PKNOX2: variants seen among roughly 807,000 people sequenced by gnomAD.
PKNOX2 encodes the protein PBX/knotted 1 homeobox 2, also known as homeobox protein PKNOX2.
PKNOX2 carries 14 observed loss-of-function variants against 53.1 expected under a neutral mutation model. That is an observed-to-expected ratio of 0.26 (90% CI 0.17 to 0.41). PKNOX2 has a LOEUF of 0.41. Ranked by LOEUF, PKNOX2 falls within the 10% of genes least tolerant of loss-of-function variation. The pLI, the probability that PKNOX2 is intolerant of heterozygous loss-of-function variation, is 1.00. For synonymous variants in PKNOX2, 257 were observed against 242.8 expected, an observed-to-expected ratio of 1.06 and a Z score of -0.54; for missense variants, 496 against 602.8, an observed-to-expected ratio of 0.82 and a Z score of 1.85.
At chr11:125,191,389 CAA>C (rs892290306) in intron 1 of PKNOX2, 2 of 152,168 alleles carry the variant, frequency 1.3e-5, no homozygotes, top group African/African-American at 4.8e-5. Context: ...CAGAATAAAC[CAA>C]AGAGAGCAAG....
chr11:125,301,684 TAAAAATA>T (rs1181963737), intron 2 of PKNOX2, among the ~76,000 whole-genome samples: 2 of 152,026 alleles, frequency 1.3e-5, no homozygotes, highest in Non-Finnish European at 2.9e-5. Flanking sequence ...ATTGTTTCAT[TAAAAATA>T]AAAAATAAAA....
intron 5 of PKNOX2, among the ~76,000 whole-genome samples, chr11:125,369,079 G>A (rs112057872): frequency 0.02 from 2,974 of 152,276 alleles, 105 homozygotes; most frequent in African/African-American, 0.068. Flanking sequence ...CCCCAATGAC[G>A]GTGCCTTTAT....
chr11:125,409,096 T>C (rs1340463114), intron 7 of PKNOX2, among the ~76,000 whole-genome samples: 1 of 152,152 alleles, frequency 6.6e-6, no homozygotes, highest in Non-Finnish European at 1.5e-5. Flanking sequence ...GCTAAGAGAC[T>C]CAGGCAGGCC....
intron 7 of PKNOX2, among the ~76,000 whole-genome samples, chr11:125,409,119 C>T (rs1477510669): frequency 6.6e-6 from 1 of 152,146 alleles, no homozygotes; most frequent in Non-Finnish European, 1.5e-5. Context: ...CTGAGGCTCC[C>T]ACACTTCACT....
chr11:125,322,692 C>T (rs1390214101), intron 2 of PKNOX2, among the ~76,000 whole-genome samples: 2 of 152,200 alleles, frequency 1.3e-5, no homozygotes, highest in Non-Finnish European at 1.5e-5. Flanking sequence ...AGCAGTTAGT[C>T]ATCTGCCATC....
chr11:125,278,293 CAT>C (rs1441704382), intron 2 of PKNOX2, among the ~76,000 whole-genome samples: 1 of 151,278 alleles, frequency 6.6e-6, no homozygotes, highest in East Asian at 1.9e-4. Flanking sequence ...GTATATGAGA[CAT>C]AAGAGACAAA....
intron 2 of PKNOX2, among the ~76,000 whole-genome samples, chr11:125,309,387 A>AT (rs67761552): frequency 0.2 from 27,184 of 135,150 alleles, 2,999 homozygotes; most frequent in Middle Eastern, 0.26. Context: ...AACAGTACCA[A>AT]TTTTTTTTTT....
At chr11:125,389,728 T>TA (rs1953912220) in intron 6 of PKNOX2, among the ~76,000 whole-genome samples, 2 of 152,234 alleles carry the variant, frequency 1.3e-5, no homozygotes, top group Admixed American at 1.3e-4. Flanking sequence ...GGCCAAGGTT[T>TA]TATATATTAT....
At chr11:125,280,093 T>A (rs1272902048) in intron 2 of PKNOX2, among the ~76,000 whole-genome samples, 5 of 146,298 alleles carry the variant, frequency 3.4e-5, no homozygotes, top group Admixed American at 2.7e-4. Context: ...TGATAAAGGA[T>A]TTTTTTTCCT....
intron 2 of PKNOX2, among the ~76,000 whole-genome samples, chr11:125,323,699 GAA>G: frequency 6.6e-6 from 1 of 152,336 alleles, no homozygotes; most frequent in East Asian, 1.9e-4. Context: ...GGCATGGAAG[GAA>G]AAGTCAGAGA....
At chr11:125,222,920 G>A (rs963650733) in intron 1 of PKNOX2, among the ~76,000 whole-genome samples, 28 of 152,314 alleles carry the variant, frequency 1.8e-4, no homozygotes, top group East Asian at 7.7e-4. Flanking sequence ...GAATGAATGA[G>A]CCTAGTTAGG....
At chr11:125,212,026 T>A (rs766866906) in intron 1 of PKNOX2, among the ~76,000 whole-genome samples, 1 of 152,162 alleles carries the variant, frequency 6.6e-6, no homozygotes, top group African/African-American at 2.4e-5. Flanking sequence ...AAATGATTTA[T>A]GAACATTATT....
chr11:125,273,630 TG>T (rs1406923673), intron 2 of PKNOX2, among the ~76,000 whole-genome samples: 3 of 152,158 alleles, frequency 2.0e-5, no homozygotes, highest in Admixed American at 6.5e-5. Flanking sequence ...CTGGGCACTT[TG>T]CCTTCCTAGG....
intron 2 of PKNOX2, among the ~76,000 whole-genome samples, chr11:125,270,828 C>T (rs969870703): frequency 4.6e-5 from 7 of 152,296 alleles, no homozygotes; most frequent in Non-Finnish European, 7.3e-5. Flanking sequence ...GAAATCATCA[C>T]GAGCACCCTG....
chr11:125,281,313 C>G (rs866298084), intron 2 of PKNOX2, among the ~76,000 whole-genome samples: 2 of 152,336 alleles, frequency 1.3e-5, no homozygotes, highest in Middle Eastern at 3.4e-3. Context: ...TCCCTCAATG[C>G]CTTCCTGGTG....
At chr11:125,322,092 G>A (rs1179709232) in intron 2 of PKNOX2, among the ~76,000 whole-genome samples, 1 of 152,120 alleles carries the variant, frequency 6.6e-6, no homozygotes, top group East Asian at 1.9e-4. Context: ...AGACCATAGG[G>A]TGTGGTTTGC....
chr11:125,212,480 A>G (rs1939973298), intron 1 of PKNOX2, among the ~76,000 whole-genome samples: 1 of 124,712 alleles, frequency 8.0e-6, no homozygotes, highest in African/African-American at 3.1e-5. Flanking sequence ...TTTGAGACAG[A>G]GTCTTGCTCT....
chr11:125,264,070 C>T (rs1945107198), intron 2 of PKNOX2, among the ~76,000 whole-genome samples: 2 of 152,168 alleles, frequency 1.3e-5, no homozygotes, highest in Non-Finnish European at 2.9e-5. Flanking sequence ...CAAGCCCCTA[C>T]AAGAGTTAAC....
chr11:125,340,727 A>G (rs966179360), intron 3 of PKNOX2, among the ~76,000 whole-genome samples: 1 of 152,176 alleles, frequency 6.6e-6, no homozygotes, highest in African/African-American at 2.4e-5. Flanking sequence ...TCAAAGGGTT[A>G]TGCTTCTTGG....
Sources: gnomAD v4.1 joint callset for allele counts (sites outside exome capture counted in the v4.1 genomes callset) on GRCh38, gnomAD v4.1.1 for gene constraint, MANE v1.5 for transcripts, NCBI Gene and HGNC (gene_info 2026-07-23, HGNC 2026-07-21) for gene names.